The following CEBPZOS variants were observed in gnomAD, a reference collection of about 807,000 sequenced individuals.
CEBPZOS encodes the protein protein CEBPZOS.
Under a neutral mutation model 4.8 loss-of-function variants are expected in CEBPZOS, and 10 were observed. The ratio of observed to expected loss-of-function variants is 2.07; its 90% CI spans 1.28 to 3.52. The LOEUF is 3.52. CEBPZOS is among the 30% of genes most tolerant of loss of function. The pLI is 0.00. For synonymous variants in CEBPZOS, 25 were observed against 14.2 expected, an observed-to-expected ratio of 1.77 and a Z score of -1.72; for missense variants, 98 against 43.6, an observed-to-expected ratio of 2.25 and a Z score of -3.51.
At chr2:37,200,896 T>C (rs1338296886) in intron 2 of CEBPZOS, among the ~76,000 whole-genome samples, 152 bp from the exon 3 acceptor site, 1 of 152,114 alleles carries the variant, frequency 6.6e-6, no homozygotes, top group East Asian at 1.9e-4. Flanking sequence ...CAAAAGGAGA[T>C]CGTTCCTGGA....
chr2:37,202,644 C>CAAAAAA lies in CEBPZOS; in HGVS notation c.*827_*832dup, dbSNP rs56340587. 1.3e-4 allele frequency: 27 copies of CAAAAAA among 207,680 alleles called. 5 individuals carry two copies. The highest frequency in any genetic ancestry group is 3.6e-4 in the Admixed American group (3 of 8,420). The allele number at this position is 207,680 out of a possible 1,614,324, so 12.9% of individuals were successfully genotyped here. On this transcript the variant is annotated 3_prime_UTR_variant, in exon 5 of 5. Transcript: ENST00000402297. ...TGGGCAAGGGAGTGAGACGCTGTCT[C>CAAAAAA]AAAAAAAAAAAAAAAAAAAAAAAAA...
intron 4 of CEBPZOS, chr2:37,211,015 A>G: frequency 6.2e-7 from 1 of 1,610,782 alleles, no homozygotes; most frequent in Non-Finnish European, 8.5e-7. Flanking sequence ...ATGAGCCAGC[A>G]AAGTCAAAAT....
rs969255880 is a variant in CEBPZOS at position 37,203,629 on chromosome 2, C to A, written c.*1769C>A. The A allele has an allele frequency of 6.6e-6, 1 of 152,182 alleles. No individual in the cohort carries two copies. Among genetic ancestry groups the A allele is most frequent in the Admixed American group, 6.5e-5 (1 of 15,278 alleles). 9.4% of individuals were successfully genotyped at this position (152,182 alleles called of 1,614,324 possible). On this transcript the variant is annotated 3_prime_UTR_variant, in exon 5 of 5. Coordinates refer to ENST00000402297, the MANE Select transcript of CEBPZOS (RefSeq NM_001322374.2). ...TTCAGCTGTTTTAAGTGTATTAACG[C>A]ATTTTGGTAAATTTACAGACTTGTT...
chr2:37,207,812 A>G (rs1230147735), downstream of CEBPZOS, among the ~76,000 whole-genome samples: 2 of 152,200 alleles, frequency 1.3e-5, no homozygotes, highest in African/African-American at 2.4e-5. Flanking sequence ...TCAGAGCAGA[A>G]CTAAATAAAA....
At chr2:37,212,587 C>T (rs1439482653) in intron 4 of CEBPZOS, 6 of 531,406 alleles carry the variant, frequency 1.1e-5, no homozygotes, top group Non-Finnish European at 2.0e-5. Context: ...TTAGTTAAAT[C>T]CCAAAACTAA....
At chr2:37,212,044 A>G (rs748000009) in intron 4 of CEBPZOS, 3 of 1,573,826 alleles carry the variant, frequency 1.9e-6, no homozygotes, top group Non-Finnish European at 2.6e-6. Context: ...ACGTTTCTGG[A>G]AAAAAACACA....
downstream of CEBPZOS, among the ~76,000 whole-genome samples, chr2:37,208,272 AG>A (rs1677605209): frequency 6.6e-6 from 1 of 152,208 alleles, no homozygotes; most frequent in Non-Finnish European, 1.5e-5. Context: ...ATAGGGAAAG[AG>A]GGAATCCTCC....
At chr2:37,201,808 T>G in intron 4 of CEBPZOS, 55 bp from the exon 5 acceptor site, 1 of 1,582,348 alleles carries the variant, frequency 6.3e-7, no homozygotes, top group Admixed American at 1.7e-5. Context: ...TTAATCCTCT[T>G]CTTTTTAAAA....
At chr2:37,209,633 A>G (rs1677654437), downstream of CEBPZOS, 3 of 152,198 alleles carry the variant, frequency 2.0e-5, no homozygotes, top group South Asian at 6.2e-4. Context: ...CCTTATGCAG[A>G]AAACTCAAGA....
At chr2:37,198,575 G>T (rs1677061268) in intron 1 of CEBPZOS, 2 of 152,122 alleles carry the variant, frequency 1.3e-5, no homozygotes, top group South Asian at 4.1e-4. Context: ...GCACACACAG[G>T]ACAATAGAAA....
chr2:37,216,047 T>C (rs1246599336), downstream of CEBPZOS: 1 of 977,950 alleles, frequency 1.0e-6, no homozygotes, highest in African/African-American at 1.6e-5. Context: ...GCTCAGGTTT[T>C]ATTCTGATAA....
intron 4 of CEBPZOS, chr2:37,211,740 AT>A (rs1677725806): frequency 1.2e-6 from 1 of 802,798 alleles, no homozygotes; most frequent in Non-Finnish European, 1.9e-6. Flanking sequence ...ATGAGTATTA[AT>A]TTGAATACAG....
chr2:37,213,735 A>T, downstream of CEBPZOS: 1 of 630,168 alleles, frequency 1.6e-6, no homozygotes, highest in Non-Finnish European at 2.7e-6. Context: ...TTAATCTTCC[A>T]CTGTGATTTG....
chr2:37,214,777 C>T (rs1572501410), downstream of CEBPZOS: 5 of 669,106 alleles, frequency 7.5e-6, no homozygotes, highest in Non-Finnish European at 1.0e-5. Context: ...TATTTACACA[C>T]AGTAGTAGAT....
chr2:37,213,727 A>C, downstream of CEBPZOS: 1 of 607,048 alleles, frequency 1.6e-6, no homozygotes, highest in Non-Finnish European at 2.8e-6. Context: ...AATATTTCTT[A>C]ATCTTCCACT....
At chr2:37,215,068 G>C (rs1428672618), downstream of CEBPZOS, 2 of 717,980 alleles carry the variant, frequency 2.8e-6, no homozygotes, top group Non-Finnish European at 4.8e-6. Context: ...GAATTGTGTG[G>C]GAAGGTAGAC....
chr2:37,202,689 A>AC lies in CEBPZOS; in HGVS notation c.*829_*830insC. On this transcript the variant is annotated 3_prime_UTR_variant, in exon 5 of 5. Coordinates refer to ENST00000402297, the MANE Select transcript of CEBPZOS (RefSeq NM_001322374.2). ...AAAAAAAAAAAAAAAAAAAAAAAAA[A>AC]AAAGAATAAATAAAATAACGAAAAT... 4.0e-6 allele frequency: 1 copy of AC among 247,770 alleles called. No individual in the cohort carries two copies. The highest frequency in any genetic ancestry group is 7.2e-6 in the Non-Finnish European group (1 of 138,226). The allele number at this position is 247,770 out of a possible 1,614,324, so 15.3% of individuals were successfully genotyped here.
chr2:37,198,940 G>A (rs1572478236), intron 1 of CEBPZOS, among the ~76,000 whole-genome samples: 1 of 152,240 alleles, frequency 6.6e-6, no homozygotes, highest in South Asian at 2.1e-4. Flanking sequence ...GATTGCTTGA[G>A]CTCACGGGTT....
chr2:37,205,654 T>C (rs569307709), downstream of CEBPZOS, among the ~76,000 whole-genome samples: 1 of 152,320 alleles, frequency 6.6e-6, no homozygotes, highest in South Asian at 2.1e-4. Flanking sequence ...AAAACATTAT[T>C]ATTATTTAAC....
Sources: allele counts gnomAD v4.1 joint callset (sites outside exome capture counted in the v4.1 genomes callset), GRCh38; gene constraint gnomAD v4.1.1; transcripts MANE v1.5; gene names NCBI Gene and HGNC (gene_info 2026-07-23, HGNC 2026-07-21).